The following FOCAD variants were observed in gnomAD, a reference collection of about 807,000 sequenced individuals.
FOCAD encodes KIAA1797.
In FOCAD, 198 loss-of-function variants were observed where a neutral mutation model predicts 225.6. The ratio of observed to expected loss-of-function variants is 0.88; its 90% CI spans 0.78 to 0.99. The LOEUF (loss-of-function observed/expected upper bound fraction) is 0.99. Ranked by LOEUF, FOCAD falls within the 50% of genes least tolerant of loss-of-function variation. The pLI, the probability that FOCAD is intolerant of heterozygous loss-of-function variation, is 0.00. For synonymous variants in FOCAD, 897 were observed against 755.0 expected, an observed-to-expected ratio of 1.19 and a Z score of -3.08; for missense variants, 2,713 against 2,123.6, an observed-to-expected ratio of 1.28 and a Z score of -5.46.
At chr9:20,740,188 A>T in intron 4 of FOCAD, 48 bp from the exon 5 acceptor site, 1 of 1,194,820 alleles carries the variant, frequency 8.4e-7, no homozygotes, top group Non-Finnish European at 1.2e-6. Context: ...CCTGATTAGA[A>T]TATTCACTTT....
intron 14 of FOCAD, 55 bp from the exon 15 acceptor site, chr9:20,822,934 G>A (rs1824482487): frequency 3.3e-6 from 5 of 1,505,594 alleles, no homozygotes; most frequent in Middle Eastern, 1.8e-4. Context: ...AAAGATCTGG[G>A]AGTGATAACT....
intron 6 of FOCAD, among the ~76,000 whole-genome samples, chr9:20,763,251 C>T (rs912004785): frequency 2.0e-5 from 3 of 152,130 alleles, no homozygotes; most frequent in Non-Finnish European, 4.4e-5. Context: ...GTGATAATAG[C>T]AGTAAACAGA....
intron 11 of FOCAD, among the ~76,000 whole-genome samples, chr9:20,809,860 T>G (rs1822866431): frequency 6.6e-6 from 1 of 152,180 alleles, no homozygotes; most frequent in African/African-American, 2.4e-5. Context: ...AAGAGAGTTT[T>G]CTGTTTATTA....
At chr9:20,710,627 T>A (rs1332961355) in intron 1 of FOCAD, among the ~76,000 whole-genome samples, 1 of 152,080 alleles carries the variant, frequency 6.6e-6, no homozygotes, top group Non-Finnish European at 1.5e-5. Flanking sequence ...TAACATTTCC[T>A]TTTGCTTTTG....
At chr9:20,759,507 A>G (rs62557523) in intron 6 of FOCAD, among the ~76,000 whole-genome samples, 33,354 of 152,180 alleles carry the variant, frequency 0.22, 4,167 homozygotes, top group South Asian at 0.36. Flanking sequence ...CTGGCTAGCC[A>G]TACGGAGAAA....
intron 5 of FOCAD, among the ~76,000 whole-genome samples, chr9:20,756,372 A>G (rs374798150): frequency 1.1e-4 from 16 of 152,194 alleles, no homozygotes; most frequent in Middle Eastern, 3.2e-3. Flanking sequence ...ATGTGTTTCA[A>G]TGTGATAGAT....
intron 27 of FOCAD, 109 bp downstream of exon 27, chr9:20,929,705 G>C: frequency 1.2e-6 from 1 of 863,110 alleles, no homozygotes; most frequent in Non-Finnish European, 1.8e-6. Context: ...ATATGTGTTT[G>C]CTAAACTTTC....
intron 2 of FOCAD, among the ~76,000 whole-genome samples, chr9:20,677,811 A>G (rs76734297): frequency 0.012 from 1,754 of 152,308 alleles, 41 homozygotes; most frequent in African/African-American, 0.04. Flanking sequence ...ACTATATCTG[A>G]TACTGCAATC....
intron 15 of FOCAD, among the ~76,000 whole-genome samples, chr9:20,832,649 T>G (rs1185060373): frequency 6.6e-6 from 1 of 152,006 alleles, no homozygotes; most frequent in African/African-American, 2.4e-5. Context: ...ATTCATTCTC[T>G]TTTTTCTTTT....
chr9:20,855,452 A>G (rs376524709), intron 15 of FOCAD, among the ~76,000 whole-genome samples: 28 of 151,582 alleles, frequency 1.8e-4, no homozygotes, highest in African/African-American at 6.5e-4. Flanking sequence ...TTCAATATTT[A>G]AAATTAAAAA....
At chr9:20,960,158 G>A (rs1209881922) in intron 35 of FOCAD, among the ~76,000 whole-genome samples, 1 of 152,128 alleles carries the variant, frequency 6.6e-6, no homozygotes, top group Non-Finnish European at 1.5e-5. Context: ...TTTTTTCTGT[G>A]ACTTCTTGAC....
At chr9:20,969,893 G>A (rs188053147) in intron 35 of FOCAD, among the ~76,000 whole-genome samples, 1 of 151,670 alleles carries the variant, frequency 6.6e-6, no homozygotes, top group East Asian at 1.9e-4. Flanking sequence ...CATGTCTATG[G>A]GTAACAAACT....
chr9:20,948,124 C>A, intron 30 of FOCAD, 147 bp from the exon 31 acceptor site: 8 of 773,396 alleles, frequency 1.0e-5, no homozygotes, highest in East Asian at 7.0e-5. Context: ...AACAAAAAAA[C>A]ACTTAAGTCT....
intron 22 of FOCAD, among the ~76,000 whole-genome samples, chr9:20,912,305 A>G (rs1833501906): frequency 6.6e-6 from 1 of 152,138 alleles, no homozygotes; most frequent in South Asian, 2.1e-4. Context: ...TAAAGGAACA[A>G]TGTTAGCAAT....
intron 21 of FOCAD, among the ~76,000 whole-genome samples, chr9:20,894,382 G>A (rs1186979332): frequency 6.6e-6 from 1 of 152,066 alleles, no homozygotes; most frequent in Non-Finnish European, 1.5e-5. Flanking sequence ...CAACTCTCGG[G>A]TAAATGCCAA....
chr9:20,726,428 G>A (rs1162813325), intron 4 of FOCAD: 1 of 152,162 alleles, frequency 6.6e-6, no homozygotes. Context: ...GTCTTAATGT[G>A]CTTGGTAAGA....
chr9:20,756,923 A>G (rs1245628851), intron 5 of FOCAD, among the ~76,000 whole-genome samples: 1 of 152,138 alleles, frequency 6.6e-6, no homozygotes, highest in African/African-American at 2.4e-5. Flanking sequence ...TGTTTTTACA[A>G]TGAGCATTTT....
At chr9:20,714,791 T>G (rs1825195045) in intron 1 of FOCAD, among the ~76,000 whole-genome samples, 1 of 152,198 alleles carries the variant, frequency 6.6e-6, no homozygotes, top group South Asian at 2.1e-4. Flanking sequence ...GCTAATTGTT[T>G]GCTTGTTCCT....
intron 5 of FOCAD, among the ~76,000 whole-genome samples, chr9:20,742,100 A>G (rs1827671491): frequency 6.6e-6 from 1 of 152,180 alleles, no homozygotes. Context: ...TTCCTTACCA[A>G]TTAGCCGTCA....
Sources: gnomAD v4.1 joint callset for allele counts (sites outside exome capture counted in the v4.1 genomes callset) on GRCh38, gnomAD v4.1.1 for gene constraint, MANE v1.5 for transcripts, NCBI Gene and HGNC (gene_info 2026-07-23, HGNC 2026-07-21) for gene names.